ZNF609: variants seen among roughly 807,000 people sequenced by gnomAD.
ZNF609 encodes zinc finger protein 609.
ZNF609 carries 11 observed loss-of-function variants against 109.5 expected under a neutral mutation model. The observed-to-expected ratio is 0.10, with a 90% CI of 0.06 to 0.17. ZNF609 has a LOEUF of 0.17. ZNF609 is among the 10% of genes least tolerant of loss of function. The pLI, the probability that ZNF609 is intolerant of heterozygous loss-of-function variation, is 1.00. For synonymous variants in ZNF609, 646 were observed against 662.0 expected, an observed-to-expected ratio of 0.98 and a Z score of 0.37; for missense variants, 1,559 against 1,772.4, an observed-to-expected ratio of 0.88 and a Z score of 2.16.
At chr15:64,579,441 A>G (rs941731830) in intron 2 of ZNF609, among the ~76,000 whole-genome samples, 2 of 150,950 alleles carry the variant, frequency 1.3e-5, no homozygotes, top group African/African-American at 2.4e-5. Context: ...AGCCAGACCT[A>G]CTGGCTCACA....
intron 2 of ZNF609, among the ~76,000 whole-genome samples, chr15:64,618,259 C>A (rs1057353043): frequency 6.6e-6 from 1 of 152,096 alleles, no homozygotes; most frequent in African/African-American, 2.4e-5. Context: ...GTTCCCTTGT[C>A]CCCCTCACAG....
At chr15:64,590,726 A>T (rs1195183258) in intron 2 of ZNF609, among the ~76,000 whole-genome samples, 1 of 151,840 alleles carries the variant, frequency 6.6e-6, no homozygotes, top group Non-Finnish European at 1.5e-5. Flanking sequence ...TAGTCATGTA[A>T]CCCAGGAAAG....
intron 2 of ZNF609, among the ~76,000 whole-genome samples, chr15:64,542,193 T>C (rs1313764609): frequency 6.6e-6 from 1 of 152,150 alleles, no homozygotes; most frequent in African/African-American, 2.4e-5. Context: ...CCAGTAGATA[T>C]TTTTTATGCT....
chr15:64,638,713 T>C (rs907674602), intron 3 of ZNF609, among the ~76,000 whole-genome samples: 43 of 152,028 alleles, frequency 2.8e-4, no homozygotes, highest in Admixed American at 2.8e-3. Flanking sequence ...CCGGACAACA[T>C]GGCGAAACTC....
intron 2 of ZNF609, among the ~76,000 whole-genome samples, chr15:64,588,010 G>A (rs76666178): frequency 0.052 from 7,871 of 151,696 alleles, 284 homozygotes; most frequent in African/African-American, 0.099. Flanking sequence ...AAAGTGCTGA[G>A]ATAACAGGCA....
intron 2 of ZNF609, among the ~76,000 whole-genome samples, chr15:64,605,127 G>A (rs886995146): frequency 3.3e-5 from 5 of 152,074 alleles, no homozygotes; most frequent in African/African-American, 1.2e-4. Context: ...CACCGTGCCC[G>A]GCCTAATTTG....
rs560371387 is a variant in ZNF609 at position 64,563,542 on chromosome 15, C to T, written c.748-59285C>T. Among the ~76,000 whole-genome samples, 12 of 151,962 alleles carry T rather than the reference C, an allele frequency of 7.9e-5. No homozygotes were observed. The East Asian group carries it at 2.3e-3, about 29-fold the overall frequency. On this transcript the variant is annotated intron_variant, in intron 2 of 9. Transcript: ENST00000326648. ...CTGTAATCCCGGCACTTGGGGAGGC[C>T]GAGGTGGGTGGATTACCTGAAGGTC... is the stretch of plus-strand genomic sequence containing the variant.
intron 1 of ZNF609, among the ~76,000 whole-genome samples, chr15:64,486,799 T>C (rs1746128456): frequency 6.6e-6 from 1 of 152,128 alleles, no homozygotes; most frequent in Admixed American, 6.6e-5. Context: ...GTATTTTTAG[T>C]AGAGGCAGGT....
Position 64,678,342 on chromosome 15 carries a change from T to C in ZNF609, c.3629T>C (p.Val1210Ala), listed in dbSNP as rs145993310. Reference sequence around the variant, plus strand: ...GGGAGCAAGGAGCCCCGGCCAAGTGTCCATGTGCCTGTGTCCTCCCCACTT... The same window carrying C: ...GGGAGCAAGGAGCCCCGGCCAAGTGCCCATGTGCCTGTGTCCTCCCCACTT... Reference protein sequence around the residue: ...RLGSKEPRPSVHVPVSSPLTQ... With the variant: ...RLGSKEPRPSAHVPVSSPLTQ... Residue 1210 changes from valine (V) to alanine (A), a missense_variant, in exon 6 of 10, where the codon GTC becomes GCC. Coordinates refer to ENST00000326648, the MANE Select transcript of ZNF609 (RefSeq NM_015042.2). The C allele has an allele frequency of 3.3e-5, 54 of 1,613,962 alleles. No homozygotes were observed. In the South Asian group the frequency reaches 5.7e-4, roughly 17 times the overall value.
intron 1 of ZNF609, among the ~76,000 whole-genome samples, chr15:64,477,890 A>G (rs1308146000): frequency 6.6e-6 from 1 of 152,166 alleles, no homozygotes; most frequent in African/African-American, 2.4e-5. Flanking sequence ...TCAGCCTCCC[A>G]AAGTGCTGGG....
chr15:64,493,780 C>T (rs550338565), intron 1 of ZNF609, among the ~76,000 whole-genome samples: 1 of 152,238 alleles, frequency 6.6e-6, no homozygotes, highest in Non-Finnish European at 1.5e-5. Flanking sequence ...TCCGCACTTT[C>T]TCTGCCATGA....
In ZNF609 at chr15:64,676,263, G is replaced by A. The variant is rs373076494; in HGVS notation, c.3402+7G>A. On this transcript the variant is annotated splice_region_variant and intron_variant, in intron 5 of 9. Transcript: ENST00000326648. ...AATACTCTGGTACCGACAGGTAACT[G>A]TTGCCCTGGGAGGAAGTGGAAATAC... 1.3e-6 allele frequency: 2 copies of A among 1,588,694 alleles called. No individual in the cohort carries two copies. The highest frequency in any genetic ancestry group is 4.5e-5 in the East Asian group (2 of 44,582).
chr15:64,685,149 C>T lies in ZNF609; in HGVS notation c.*3463C>T, dbSNP rs976180809. 1 of 151,418 alleles carries T rather than the reference C, an allele frequency of 6.6e-6. No individual in the cohort carries two copies. The highest frequency in any genetic ancestry group is 1.5e-5 in the Non-Finnish European group (1 of 67,822). The allele number at this position is 151,418 out of a possible 1,614,324, so 9.4% of individuals were successfully genotyped here. A position where few individuals can be genotyped will look rare whatever the true frequency, so the allele number is the denominator to read the frequency against. ...TTCCCTTCTGTAAAGTGTACATTAC[C>T]AAGTTCCTTGTTTTTTTATATATAT... On this transcript the variant is annotated 3_prime_UTR_variant, in exon 10 of 10. Coordinates refer to ENST00000326648, the MANE Select transcript of ZNF609 (RefSeq NM_015042.2).
intron 1 of ZNF609, among the ~76,000 whole-genome samples, chr15:64,476,454 G>T (rs186599965): frequency 2.6e-5 from 4 of 152,228 alleles, no homozygotes; most frequent in Admixed American, 2.6e-4. Context: ...GGTGGGAGGG[G>T]TTGCAACCCT....
chr15:64,646,284 A>T (rs1357868861), intron 3 of ZNF609, among the ~76,000 whole-genome samples: 2 of 152,120 alleles, frequency 1.3e-5, no homozygotes, highest in African/African-American at 4.8e-5. Context: ...ACTTGAGCCC[A>T]GGAATTCAAG....
chr15:64,561,552 C>CTTTTTTTT (rs771022478), intron 2 of ZNF609, among the ~76,000 whole-genome samples: 1 of 129,906 alleles, frequency 7.7e-6, no homozygotes, highest in Non-Finnish European at 1.7e-5. Flanking sequence ...TTTTCTTTTT[C>CTTTTTTTT]TTTTTTTTTT....
chr15:64,685,050 G>A lies in ZNF609; in HGVS notation c.*3364G>A, dbSNP rs1204930397. 6.6e-6 allele frequency: 1 copy of A among 152,500 alleles called. No homozygotes were observed. Among genetic ancestry groups the A allele is most frequent in the Non-Finnish European group, 1.5e-5 (1 of 68,002 alleles). 9.4% of individuals were successfully genotyped at this position (152,500 alleles called of 1,614,324 possible). On this transcript the variant is annotated 3_prime_UTR_variant, in exon 10 of 10. Coordinates refer to ENST00000326648, the MANE Select transcript of ZNF609 (RefSeq NM_015042.2). ...GGCGAGCTGGAGGCCCGGGCTGGAG[G>A]GGCAGTGTTGCTGTTCATAGATTTT...
rs973434815 is a variant in ZNF609, at chr15:64,684,299, G to A, written c.*2613G>A. ...TATCCCACCCCACAAACAAAGGCTG[G>A]AAAAATTTGCTACCAAGGGCCAAGA... On this transcript the variant is annotated 3_prime_UTR_variant, in exon 10 of 10. Transcript: ENST00000326648. The A allele has an allele frequency of 6.6e-6, 1 of 152,472 alleles. No individual in the cohort carries two copies. Among genetic ancestry groups the A allele is most frequent in the Non-Finnish European group, 1.5e-5 (1 of 68,310 alleles). 9.4% of individuals were successfully genotyped at this position (152,472 alleles called of 1,614,324 possible). A position where few individuals can be genotyped will look rare whatever the true frequency, so the allele number is the denominator to read the frequency against.
intron 1 of ZNF609, 29 bp from the exon 2 acceptor site, chr15:64,499,264 T>A: frequency 2.0e-6 from 2 of 996,708 alleles, no homozygotes; most frequent in Non-Finnish European, 2.9e-6. Flanking sequence ...TTGTTTCTTT[T>A]AACAGCTTTT....
Sources: allele counts gnomAD v4.1 joint callset (sites outside exome capture counted in the v4.1 genomes callset), GRCh38; gene constraint gnomAD v4.1.1; transcripts MANE v1.5; gene names NCBI Gene and HGNC (gene_info 2026-07-23, HGNC 2026-07-21).